The following CAMK1D variants were observed in gnomAD, a reference collection of about 807,000 sequenced individuals.
CAMK1D encodes the protein calcium/calmodulin-dependent protein kinase type 1D.
A neutral mutation model predicts 47.7 loss-of-function variants in CAMK1D; 9 were observed. The observed-to-expected ratio is 0.19, with a 90% confidence interval of 0.11 to 0.33. The LOEUF is 0.33. CAMK1D is among the 10% of genes least tolerant of loss of function. The pLI, the probability that CAMK1D is intolerant of heterozygous loss-of-function variation, is 1.00. For synonymous variants in CAMK1D, 184 were observed against 184.9 expected, an observed-to-expected ratio of 0.99 and a Z score of 0.04; for missense variants, 291 against 488.7, an observed-to-expected ratio of 0.60 and a Z score of 3.81.
At chr10:12,789,459 A>T (rs189863192) in intron 5 of CAMK1D, among the ~76,000 whole-genome samples, 2 of 152,324 alleles carry the variant, frequency 1.3e-5, no homozygotes, top group African/African-American at 4.8e-5. Flanking sequence ...GTGATGTGGG[A>T]CAAGTTACTT....
At chr10:12,806,360 A>T (rs1442447738) in intron 6 of CAMK1D, among the ~76,000 whole-genome samples, 1 of 152,170 alleles carries the variant, frequency 6.6e-6, no homozygotes, top group East Asian at 1.9e-4. Flanking sequence ...AGTCCCTGAC[A>T]GGCGGTTTTA....
At chr10:12,396,829 C>T (rs1182472768) in intron 1 of CAMK1D, among the ~76,000 whole-genome samples, 1 of 152,220 alleles carries the variant, frequency 6.6e-6, no homozygotes, top group Non-Finnish European at 1.5e-5. Flanking sequence ...CCTGGTGTGT[C>T]AGAGCCCTAC....
chr10:12,793,690 CTT>C (rs34125339), intron 6 of CAMK1D, among the ~76,000 whole-genome samples: 64,379 of 151,906 alleles, frequency 0.42, 13,985 homozygotes, highest in East Asian at 0.55. Flanking sequence ...TCTCTGGTAT[CTT>C]TTCTAATCCA....
In CAMK1D at chr10:12,705,592, A is replaced by G. The variant is rs567894182; in HGVS notation, c.299+38782A>G. 2.6e-5 allele frequency among the ~76,000 whole-genome samples: 4 copies of G among 152,344 alleles called. No homozygotes were observed. The East Asian group carries it at 7.7e-4, about 29-fold the overall frequency. On this transcript the variant is annotated intron_variant, in intron 3 of 10. Transcript: ENST00000619168. ...GTGTTCGTATAAAGTATGCTGGTTC[A>G]GGGAGACCAGCCTGGTCCTCGATTG...
At chr10:12,573,455 T>A (rs557683199) in intron 2 of CAMK1D, among the ~76,000 whole-genome samples, 1 of 152,316 alleles carries the variant, frequency 6.6e-6, no homozygotes, top group Non-Finnish European at 1.5e-5. Context: ...AGGCAGGACA[T>A]CATCATCGTC....
chr10:12,676,951 A>C (rs1840829194), intron 3 of CAMK1D, among the ~76,000 whole-genome samples: 1 of 152,134 alleles, frequency 6.6e-6, no homozygotes, highest in African/African-American at 2.4e-5. Flanking sequence ...TTCTTATATA[A>C]TTTTTTACCA....
At chr10:12,491,726 TG>T (rs199823717) in intron 1 of CAMK1D, among the ~76,000 whole-genome samples, 1,804 of 152,226 alleles carry the variant, frequency 0.012, 45 homozygotes, top group African/African-American at 0.042. Context: ...TGCTAATTGT[TG>T]ATAAAGTCAT....
intron 1 of CAMK1D, among the ~76,000 whole-genome samples, chr10:12,457,291 T>C (rs1026632153): frequency 8.6e-5 from 13 of 151,722 alleles, no homozygotes; most frequent in Admixed American, 6.6e-4. Context: ...CCCTGGAGGC[T>C]GAGGCAGGAG....
At chr10:12,674,860 C>T (rs188657769) in intron 3 of CAMK1D, among the ~76,000 whole-genome samples, 1 of 151,228 alleles carries the variant, frequency 6.6e-6, no homozygotes, top group East Asian at 1.9e-4. Context: ...GGTGAAACCC[C>T]GTCTCTACTA....
intron 3 of CAMK1D, among the ~76,000 whole-genome samples, chr10:12,686,225 G>T (rs1832657263): frequency 6.6e-6 from 1 of 152,180 alleles, no homozygotes; most frequent in Non-Finnish European, 1.5e-5. Context: ...CCTGGATGAG[G>T]TTACTTTGTA....
At chr10:12,419,047 C>A (rs558202239) in intron 1 of CAMK1D, among the ~76,000 whole-genome samples, 10 of 152,338 alleles carry the variant, frequency 6.6e-5, no homozygotes, top group Admixed American at 5.2e-4. Flanking sequence ...ACTTCCCTGT[C>A]TCTTTTGGAC....
At position 12,439,306 on chromosome 10, in the gene CAMK1D, G is replaced by A. The variant is rs185638881; in HGVS notation, c.92+89396G>A. Among the ~76,000 whole-genome samples the A allele has an allele frequency of 2.6e-5, 4 of 152,236 alleles. No individual in the cohort carries two copies. In the East Asian group the frequency reaches 5.8e-4, roughly 22 times the overall value. ...TGTTTGTTATGGTTTAATATTTATC[G>A]AAAACTCCCATCTGTGGGGGCATTT... On this transcript the variant is annotated intron_variant, in intron 1 of 10. Transcript: ENST00000619168.
intron 2 of CAMK1D, chr10:12,578,712 G>C (rs1837570516): frequency 6.5e-6 from 1 of 153,352 alleles, no homozygotes; most frequent in Non-Finnish European, 1.5e-5. Context: ...ACTGCACCGA[G>C]ACCGATGACC....
chr10:12,565,412 C>G (rs546962162), intron 2 of CAMK1D, among the ~76,000 whole-genome samples: 1 of 152,254 alleles, frequency 6.6e-6, no homozygotes, highest in South Asian at 2.1e-4. Context: ...TGCCACCATG[C>G]CTGGCTAGTT....
intron 1 of CAMK1D, among the ~76,000 whole-genome samples, chr10:12,403,983 GAA>G (rs66525553): frequency 1.0e-4 from 15 of 144,010 alleles, no homozygotes; most frequent in Non-Finnish European, 1.1e-4. Context: ...GTTGCTTTTG[GAA>G]AAAAAAAAAA....
At chr10:12,483,827 C>A (rs527349506) in intron 1 of CAMK1D, among the ~76,000 whole-genome samples, 26 of 152,160 alleles carry the variant, frequency 1.7e-4, no homozygotes, top group Non-Finnish European at 2.6e-4. Context: ...GCTGAGATTA[C>A]AGGCGTGCAC....
At chr10:12,654,563 G>A (rs61663121) in intron 2 of CAMK1D, among the ~76,000 whole-genome samples, 42,449 of 151,966 alleles carry the variant, frequency 0.28, 6,366 homozygotes, top group Middle Eastern at 0.4. Context: ...AGTAGAAGAA[G>A]TATTACTAAT....
At chr10:12,517,175 TCCA>T (rs1835236085) in intron 1 of CAMK1D, among the ~76,000 whole-genome samples, 1 of 152,220 alleles carries the variant, frequency 6.6e-6, no homozygotes, top group African/African-American at 2.4e-5. Context: ...AATTTTTATT[TCCA>T]ATTGTTCATT....
chr10:12,388,071 T>C (rs565578249), intron 1 of CAMK1D, among the ~76,000 whole-genome samples: 99 of 152,230 alleles, frequency 6.5e-4, no homozygotes, highest in Admixed American at 1.2e-3. Flanking sequence ...TTTGAGTAGG[T>C]TGAGGTGACT....
Sources: allele counts gnomAD v4.1 joint callset (sites outside exome capture counted in the v4.1 genomes callset), GRCh38; gene constraint gnomAD v4.1.1; transcripts MANE v1.5; gene names NCBI Gene and HGNC (gene_info 2026-07-23, HGNC 2026-07-21).